Variants in STXBP6 observed in about 807,000 individuals in gnomAD.
The protein encoded by STXBP6 is syntaxin binding protein 6.
Under a neutral mutation model 26.9 loss-of-function variants are expected in STXBP6, and 21 were observed. That is an observed-to-expected ratio of 0.78 (90% CI 0.55 to 1.12). The LOEUF (loss-of-function observed/expected upper bound fraction) is 1.12, where lower values mean the gene tolerates loss of function less well. STXBP6 is among the 50% of genes most tolerant of loss of function. STXBP6 has a pLI of 0.00. For missense variants in STXBP6, 232 were observed against 257.9 expected, an observed-to-expected ratio of 0.90 and a Z score of 0.69; for synonymous variants, 97 against 92.6, an observed-to-expected ratio of 1.05 and a Z score of -0.27.
At chr14:24,868,352 A>G (rs2069798862) in intron 2 of STXBP6, among the ~76,000 whole-genome samples, 1 of 152,222 alleles carries the variant, frequency 6.6e-6, no homozygotes, top group Admixed American at 6.5e-5. Flanking sequence ...GATGTTCAAC[A>G]TTACTAGTCA....
At chr14:24,877,280 T>G (rs1181904837) in intron 2 of STXBP6, among the ~76,000 whole-genome samples, 1 of 152,206 alleles carries the variant, frequency 6.6e-6, no homozygotes, top group Non-Finnish European at 1.5e-5. Flanking sequence ...CAGTGCTTGC[T>G]GACTACTTGT....
At chr14:24,920,085 T>TA (rs2071926181) in intron 2 of STXBP6, among the ~76,000 whole-genome samples, 2 of 152,000 alleles carry the variant, frequency 1.3e-5, no homozygotes, top group African/African-American at 4.8e-5. Flanking sequence ...CTTCTCAACT[T>TA]AAGAGACCAG....
chr14:24,998,664 G>A, intron 1 of STXBP6, among the ~76,000 whole-genome samples: 1 of 152,182 alleles, frequency 6.6e-6, no homozygotes, highest in East Asian at 1.9e-4. Flanking sequence ...ATATCAATCT[G>A]AATTTACTGA....
intron 1 of STXBP6, among the ~76,000 whole-genome samples, chr14:24,980,855 T>C (rs1013804028): frequency 6.6e-6 from 1 of 152,112 alleles, no homozygotes. Context: ...TAGTTGAAGA[T>C]AGGAAAAAAA....
chr14:24,881,539 G>A (rs1368405175), intron 2 of STXBP6, among the ~76,000 whole-genome samples: 1 of 152,122 alleles, frequency 6.6e-6, no homozygotes, highest in Non-Finnish European at 1.5e-5. Flanking sequence ...TAGTGTATCT[G>A]AATATAAAGA....
intron 2 of STXBP6, among the ~76,000 whole-genome samples, chr14:24,935,842 C>A (rs2072575930): frequency 6.6e-6 from 1 of 152,172 alleles, no homozygotes; most frequent in Non-Finnish European, 1.5e-5. Context: ...TGGAAATAAT[C>A]TTTTCCTGAT....
rs552562019 is a variant in STXBP6, at chr14:24,945,139, A to ATTTTT, written c.154+29521_154+29525dup. Among the ~76,000 whole-genome samples the ATTTTT allele has an allele frequency of 7.5e-3, 756 of 100,648 alleles. 128 individuals are homozygous for ATTTTT. Among genetic ancestry groups the ATTTTT allele is most frequent in the Middle Eastern group, 0.025 (3 of 118 alleles). The allele number at this position is 100,648 out of a possible 152,430, so 66.0% of individuals were successfully genotyped here. The stretch of plus-strand genomic sequence containing the variant: ...TGGCATGTATATGAACCAATTAGGA[A>ATTTTT]TTTTTTTTTTTTTTTTTTTTTTTTT... On this transcript the variant is annotated intron_variant, in intron 2 of 5. Transcript: ENST00000323944.
chr14:24,868,456 T>C (rs991024948), intron 2 of STXBP6, among the ~76,000 whole-genome samples: 3 of 152,176 alleles, frequency 2.0e-5, no homozygotes, highest in Non-Finnish European at 2.9e-5. Context: ...TGTTGGCTTG[T>C]ATACAAATGT....
At chr14:24,950,545 AC>A (rs1429833702) in intron 2 of STXBP6, among the ~76,000 whole-genome samples, 4 of 152,160 alleles carry the variant, frequency 2.6e-5, no homozygotes, top group African/African-American at 9.7e-5. Flanking sequence ...AATAAATCTC[AC>A]AAACAATAGC....
intron 2 of STXBP6, among the ~76,000 whole-genome samples, chr14:24,909,540 G>A (rs2071495441): frequency 6.6e-6 from 1 of 152,014 alleles, no homozygotes; most frequent in African/African-American, 2.4e-5. Context: ...CAGCACTGTA[G>A]GAAGGCAAGG....
At chr14:24,911,501 G>GA (rs1229688047) in intron 2 of STXBP6, among the ~76,000 whole-genome samples, 1 of 152,052 alleles carries the variant, frequency 6.6e-6, no homozygotes. Context: ...AAGAAAGAAA[G>GA]AAAGAAAGAA....
rs1200709624 is a variant in STXBP6 at position 24,812,380 on chromosome 14, C to T, written c.*329G>A. On this transcript the variant is annotated 3_prime_UTR_variant, in exon 6 of 6. Transcript: ENST00000323944. The stretch of plus-strand genomic sequence containing the variant: ...GACTCAGCGCAGTTTATCATTTGGT[C>T]CAAATTTCATATTCAAACTACAAAA... The T allele has an allele frequency of 1.4e-5, 3 of 214,802 alleles. No homozygotes were observed. The highest frequency in any genetic ancestry group is 2.8e-5 in the Non-Finnish European group (3 of 107,752). The allele number at this position is 214,802 out of a possible 1,614,324, so 13.3% of individuals were successfully genotyped here.
At chr14:24,905,422 A>G (rs2071354316) in intron 2 of STXBP6, among the ~76,000 whole-genome samples, 1 of 152,204 alleles carries the variant, frequency 6.6e-6, no homozygotes, top group Non-Finnish European at 1.5e-5. Flanking sequence ...GGAATGCAGC[A>G]GATGTTTAAA....
At chr14:24,873,273 G>A (rs925084845) in intron 2 of STXBP6, among the ~76,000 whole-genome samples, 2 of 149,876 alleles carry the variant, frequency 1.3e-5, no homozygotes, top group African/African-American at 4.9e-5. Flanking sequence ...TCTTCTCAAC[G>A]GTTTTCAGGT....
At chr14:25,007,224 GA>G (rs1419875638) in intron 1 of STXBP6, among the ~76,000 whole-genome samples, 1 of 152,150 alleles carries the variant, frequency 6.6e-6, no homozygotes, top group Non-Finnish European at 1.5e-5. Context: ...ACAATTGTTG[GA>G]ATTTCTATTC....
At chr14:24,832,805 G>A (rs940249301) in intron 4 of STXBP6, among the ~76,000 whole-genome samples, 1 of 152,130 alleles carries the variant, frequency 6.6e-6, no homozygotes, top group African/African-American at 2.4e-5. Flanking sequence ...CTGTATATCT[G>A]GTGTCTATTA....
intron 2 of STXBP6, chr14:24,878,727 T>C (rs1178687257): frequency 2.3e-6 from 1 of 426,182 alleles, no homozygotes; most frequent in South Asian, 1.7e-5. Context: ...GCTGGGATGT[T>C]CAACCATAAC....
intron 5 of STXBP6, among the ~76,000 whole-genome samples, chr14:24,814,997 T>C (rs757990247): frequency 2.6e-4 from 40 of 152,222 alleles, no homozygotes; most frequent in African/African-American, 7.7e-4. Flanking sequence ...TATTTTGTTA[T>C]AGCAGCTTGA....
chr14:24,849,169 C>T (rs1325406767), intron 4 of STXBP6, among the ~76,000 whole-genome samples: 1 of 151,876 alleles, frequency 6.6e-6, no homozygotes, highest in African/African-American at 2.4e-5. Flanking sequence ...TTTTATTTTG[C>T]TTTTAGTCTT....
Sources: gnomAD v4.1 joint callset for allele counts (sites outside exome capture counted in the v4.1 genomes callset) on GRCh38, gnomAD v4.1.1 for gene constraint, MANE v1.5 for transcripts, NCBI Gene and HGNC (gene_info 2026-07-23, HGNC 2026-07-21) for gene names.